Variants in LPP observed in about 807,000 individuals in gnomAD.
The protein encoded by LPP is LIM domain containing preferred translocation partner in lipoma, also known as lipoma-preferred partner.
LPP carries 38 observed loss-of-function variants against 60.4 expected under a neutral mutation model. The observed-to-expected ratio is 0.63, with a 90% confidence interval of 0.49 to 0.83. The LOEUF (loss-of-function observed/expected upper bound fraction) is 0.83, where lower values mean the gene tolerates loss of function less well. Ranked by LOEUF, LPP falls within the 40% of genes least tolerant of loss-of-function variation. The pLI is 0.00. For synonymous variants in LPP, 328 were observed against 290.8 expected (o/e 1.13, Z -1.30); for missense variants, 902 against 783.6 (o/e 1.15, Z -1.80).
intron 5 of LPP, among the ~76,000 whole-genome samples, chr3:188,490,635 A>G (rs905076863): frequency 6.6e-6 from 1 of 151,944 alleles, no homozygotes; most frequent in Non-Finnish European, 1.5e-5. Context: ...AAGTGCTAGG[A>G]TTACAGGTAT....
At chr3:188,549,588 A>G (rs771414367) in intron 6 of LPP, among the ~76,000 whole-genome samples, 2 of 152,180 alleles carry the variant, frequency 1.3e-5, no homozygotes, top group Non-Finnish European at 2.9e-5. Flanking sequence ...TGACTTTACC[A>G]TGAAGGCTGT....
intron 1 of LPP, among the ~76,000 whole-genome samples, chr3:188,193,393 C>T (rs1319165700): frequency 1.3e-5 from 2 of 152,118 alleles, no homozygotes; most frequent in Non-Finnish European, 2.9e-5. Flanking sequence ...GGTTTCCTTA[C>T]CTGTAAAACG....
At chr3:188,801,278 T>G (rs1026523023) in intron 9 of LPP, among the ~76,000 whole-genome samples, 2 of 152,276 alleles carry the variant, frequency 1.3e-5, no homozygotes, top group East Asian at 3.9e-4. Context: ...CCAACACCCA[T>G]GTAATATAAA....
intron 10 of LPP, among the ~76,000 whole-genome samples, chr3:188,866,808 T>G (rs1370245339): frequency 2.0e-5 from 3 of 152,184 alleles, no homozygotes. Flanking sequence ...CAGAGTTTTC[T>G]CAAGAGCTAA....
chr3:188,529,862 G>A (rs1261202464), intron 6 of LPP, among the ~76,000 whole-genome samples: 1 of 152,170 alleles, frequency 6.6e-6, no homozygotes, highest in Non-Finnish European at 1.5e-5. Context: ...CACAGGAGAA[G>A]GGCTTCAATG....
rs567500409 is a variant in LPP, at chr3:188,649,873, T to C, written c.1113+40029T>C. Among the ~76,000 whole-genome samples, 107 of 152,296 alleles carry C rather than the reference T, an allele frequency of 7.0e-4. 1 individual carries two copies. The highest frequency in any genetic ancestry group is 2.4e-3 in the African/African-American group (101 of 41,582). ...ATGAACAAGGAACCAAGGAAGCACA[T>C]AGAAGGCTTAGGTAAATTCTTCCTG... On this transcript the variant is annotated intron_variant, in intron 7 of 11. Transcript: ENST00000617246.
chr3:188,645,451 G>A (rs1053149571), intron 7 of LPP, among the ~76,000 whole-genome samples: 14 of 152,156 alleles, frequency 9.2e-5, no homozygotes, highest in African/African-American at 3.1e-4. Context: ...AGCATCTGAA[G>A]CATCTGTATT....
chr3:188,255,530 C>G (rs1199049561), intron 2 of LPP, among the ~76,000 whole-genome samples: 1 of 152,144 alleles, frequency 6.6e-6, no homozygotes, highest in African/African-American at 2.4e-5. Flanking sequence ...CTCCACACAC[C>G]CCCTACACAC....
intron 1 of LPP, among the ~76,000 whole-genome samples, chr3:188,207,017 G>T (rs1052526042): frequency 6.6e-6 from 1 of 152,068 alleles, no homozygotes; most frequent in Non-Finnish European, 1.5e-5. Flanking sequence ...CTCATCAATG[G>T]TATAATCAGA....
intron 2 of LPP, among the ~76,000 whole-genome samples, chr3:188,319,293 A>G (rs942683431): frequency 6.6e-6 from 1 of 152,184 alleles, no homozygotes; most frequent in African/African-American, 2.4e-5. Flanking sequence ...GATTCTCTAT[A>G]TAATGCCTGT....
At chr3:188,867,338 G>A (rs1766918428) in intron 10 of LPP, among the ~76,000 whole-genome samples, 1 of 147,548 alleles carries the variant, frequency 6.8e-6, no homozygotes, top group Non-Finnish European at 1.5e-5. Flanking sequence ...TTATATACAT[G>A]TATATTATTA....
chr3:188,158,469 A>G (rs951747973), intron 1 of LPP, among the ~76,000 whole-genome samples: 1 of 152,188 alleles, frequency 6.6e-6, no homozygotes, highest in African/African-American at 2.4e-5. Context: ...AGGCTGGTGC[A>G]TTCTAAATGT....
In LPP at chr3:188,880,413, T is replaced by C. The variant is rs1769824938; in HGVS notation, c.*5934T>C. On this transcript the variant is annotated 3_prime_UTR_variant, in exon 12 of 12. Coordinates refer to ENST00000617246, the MANE Select transcript of LPP (RefSeq NM_001375462.1). ...ATTTTTGCTGTTAAATTCTGGTTGTTATTTAATTGACAGAAGTCTCTTGAT... is the reference window on the plus strand; with the variant it reads ...ATTTTTGCTGTTAAATTCTGGTTGTCATTTAATTGACAGAAGTCTCTTGAT... 1 of 189,482 alleles carries C rather than the reference T, an allele frequency of 5.3e-6. No individual in the cohort carries two copies. Among genetic ancestry groups the C allele is most frequent in the Admixed American group, 6.2e-5 (1 of 16,190 alleles). 11.7% of individuals were successfully genotyped at this position (189,482 alleles called of 1,614,324 possible).
chr3:188,192,755 A>G (rs975252597), intron 1 of LPP, among the ~76,000 whole-genome samples: 1 of 152,178 alleles, frequency 6.6e-6, no homozygotes, highest in African/African-American at 2.4e-5. Context: ...GCAGTGAGTG[A>G]CATCCATGAG....
chr3:188,297,527 A>T (rs541292131), intron 2 of LPP, among the ~76,000 whole-genome samples: 57 of 152,356 alleles, frequency 3.7e-4, no homozygotes, highest in Non-Finnish European at 7.5e-4. Flanking sequence ...GAGAGACTAT[A>T]TGTTGCTTAA....
chr3:188,807,952 A>G (rs1206261167), intron 9 of LPP, among the ~76,000 whole-genome samples: 1 of 152,178 alleles, frequency 6.6e-6, no homozygotes, highest in Non-Finnish European at 1.5e-5. Context: ...ATTATATAGG[A>G]TAATAAAGAT....
chr3:188,400,099 G>A (rs1023000754), intron 3 of LPP, among the ~76,000 whole-genome samples: 5 of 151,870 alleles, frequency 3.3e-5, no homozygotes, highest in Admixed American at 2.0e-4. Context: ...ATCACTTTGT[G>A]GTCCTGTGGC....
At chr3:188,234,135 T>TA (rs1262521597) in intron 2 of LPP, among the ~76,000 whole-genome samples, 12 of 152,088 alleles carry the variant, frequency 7.9e-5, no homozygotes, top group African/African-American at 2.7e-4. Flanking sequence ...CTTAGTGTAA[T>TA]AGCAAACCCC....
At chr3:188,423,263 T>C (rs1352991422) in intron 4 of LPP, among the ~76,000 whole-genome samples, 2 of 152,178 alleles carry the variant, frequency 1.3e-5, no homozygotes, top group Non-Finnish European at 2.9e-5. Flanking sequence ...TCCATGTCCC[T>C]GCAAAGGACA....
Sources: gnomAD v4.1 joint callset for allele counts (sites outside exome capture counted in the v4.1 genomes callset) on GRCh38, gnomAD v4.1.1 for gene constraint, MANE v1.5 for transcripts, NCBI Gene and HGNC (gene_info 2026-07-23, HGNC 2026-07-21) for gene names.